Variants in PKD1L3 observed in about 807,000 individuals in gnomAD.
The protein encoded by PKD1L3 is polycystin-1-like protein 3.
PKD1L3 carries 239 observed loss-of-function variants against 184.1 expected under a neutral mutation model. The ratio of observed to expected loss-of-function variants is 1.30; its 90% confidence interval spans 1.17 to 1.45. The LOEUF (loss-of-function observed/expected upper bound fraction) is 1.45, where lower values mean the gene tolerates loss of function less well. Ranked by LOEUF, PKD1L3 falls within the 40% of genes most tolerant of loss-of-function variation. The pLI, the probability that PKD1L3 is intolerant of heterozygous loss-of-function variation, is 0.00. For missense variants in PKD1L3, 2,660 were observed against 2,067.2 expected (o/e 1.29, Z -5.56); for synonymous variants, 996 against 778.8 (o/e 1.28, Z -4.64).
chr16:71,943,623 A>C (rs912576181), intron 23 of PKD1L3, among the ~76,000 whole-genome samples: 2 of 151,834 alleles, frequency 1.3e-5, no homozygotes, highest in African/African-American at 2.4e-5. Context: ...TCTGTCTCTC[A>C]TGTGATTGTG....
Position 71,980,019 on chromosome 16 carries a change from A to G in PKD1L3, c.1259T>C (p.Leu420Pro), listed in dbSNP as rs749518071. 45 of 1,552,022 alleles carry G rather than the reference A, an allele frequency of 2.9e-5. No homozygotes were observed. Among genetic ancestry groups the G allele is most frequent in the Non-Finnish European group, 3.7e-5 (43 of 1,147,098 alleles). The stretch of plus-strand genomic sequence containing the variant: ...TCTTCCCATTAACCTGCTCAGCAGC[A>G]GAGTAGCATTGGCAGAGGTCAAAGT... ...SVTLTSANAT[L>P]LLSRQNISTL... is the part of the protein sequence containing the mutation. The change falls in exon 8 of 30, where the codon CTG (leucine) becomes CCG (proline). Residue 420 changes from leucine (L) to proline (P), a missense_variant. Transcript: ENST00000620267.
At position 71,967,159 on chromosome 16, in the gene PKD1L3, T is replaced by C. The variant is rs371985430; in HGVS notation, c.2443A>G (p.Asn815Asp). Residue 815 changes from asparagine (N) to aspartate (D), a missense_variant, in exon 15 of 30, where the codon AAT (asparagine) becomes GAT (aspartate). By Grantham distance (23) the Asn-to-Asp change is conservative. Transcript: ENST00000620267. ...NLHSLRLWHD[N>D]SGVSPSWYVS... ...CACCAGGAGGGACTGACGCCAGAAT[T>C]GTCATGCCAGAGCCGAAGGCTGTGC... 227 of 1,551,620 alleles carry C rather than the reference T, an allele frequency of 1.5e-4. No individual in the cohort carries two copies. The African/African-American group carries it at 2.9e-3, about 20-fold the overall frequency.
In PKD1L3 at chr16:71,969,998, C is replaced by A. The variant is rs1448308233; in HGVS notation, c.2061G>T (p.Thr687=). 1 of 1,551,530 alleles carries A rather than the reference C, an allele frequency of 6.4e-7. No individual in the cohort carries two copies. The highest frequency in any genetic ancestry group is 1.2e-5 in the South Asian group (1 of 84,056). ...VVPRTVNVED[T]IKLFLRVTNN... is the part of the protein sequence containing the mutation. The stretch of plus-strand genomic sequence containing the variant: ...TGGTCACGCGAAGGAACAGTTTGAT[C>A]GTGTCTTCAACATTCACGGTCCTGG... The change falls in exon 13 of 30, where the codon ACG becomes ACT. Residue 687 remains threonine (T), a synonymous_variant. Coordinates refer to ENST00000620267, the MANE Select transcript of PKD1L3 (RefSeq NM_181536.2).
chr16:71,938,449 C>T (rs1266951275), intron 24 of PKD1L3, among the ~76,000 whole-genome samples: 4 of 152,228 alleles, frequency 2.6e-5, no homozygotes, highest in East Asian at 1.9e-4. Flanking sequence ...CAGACAGGCT[C>T]CTGGGCAGAA....
Position 71,943,154 on chromosome 16 carries a change from G to A in PKD1L3, c.3860-130C>T, listed in dbSNP as rs542540616. 7.4e-5 allele frequency: 48 copies of A among 649,914 alleles called. No individual in the cohort carries two copies. In the South Asian group the frequency reaches 9.6e-4, roughly 13 times the overall value. 40.3% of individuals were successfully genotyped at this position (649,914 alleles called of 1,614,324 possible). A position where few individuals can be genotyped will look rare whatever the true frequency, so the allele number is the denominator to read the frequency against. ...CAGTCAAAAACTGGCTGTTTCATATGGTTCAATCTAATAATTATAAATACA... is the reference window on the plus strand; with the variant it reads ...CAGTCAAAAACTGGCTGTTTCATATAGTTCAATCTAATAATTATAAATACA... On this transcript the variant is annotated intron_variant, in intron 23 of 29. Coordinates refer to ENST00000620267, the MANE Select transcript of PKD1L3 (RefSeq NM_181536.2).
Position 71,975,417 on chromosome 16 carries a change from C to T in PKD1L3, c.1759+1819G>A, listed in dbSNP as rs539371323. On this transcript the variant is annotated intron_variant, in intron 11 of 29. Coordinates refer to ENST00000620267, the MANE Select transcript of PKD1L3 (RefSeq NM_181536.2). The stretch of plus-strand genomic sequence containing the variant: ...TTCTTAACTTTTCTAAACTACAATA[C>T]ATTCATTCTGATTTTATACCAAGGC... 2.6e-5 allele frequency among the ~76,000 whole-genome samples: 4 copies of T among 152,204 alleles called. No individual in the cohort carries two copies. In the East Asian group the frequency reaches 5.8e-4, roughly 22 times the overall value.
chr16:71,938,425 A>T (rs1181808206), intron 24 of PKD1L3, among the ~76,000 whole-genome samples: 1 of 152,028 alleles, frequency 6.6e-6, no homozygotes, highest in Non-Finnish European at 1.5e-5. Flanking sequence ...GGTGACATGG[A>T]TGGCAGCAGG....
chr16:71,937,285 G>T lies in PKD1L3; in HGVS notation c.4452+7C>A. ...GCCCAGGCTGACATCTAACATTATT[G>T]ACTCACCTGTATGAAGGCATAGTAA... is the stretch of plus-strand genomic sequence containing the variant. On this transcript the variant is annotated splice_region_variant and intron_variant, in intron 25 of 29. Coordinates refer to ENST00000620267, the MANE Select transcript of PKD1L3 (RefSeq NM_181536.2). The T allele has an allele frequency of 6.5e-7, 1 of 1,549,270 alleles. No homozygotes were observed. The highest frequency in any genetic ancestry group is 8.7e-7 in the Non-Finnish European group (1 of 1,146,172).
rs762241779 is a variant in PKD1L3 at position 71,973,322 on chromosome 16, A to C, written c.1953+2T>G. ...GGCCCAAGAAGCGGCTCAGTTTCTT[A>C]CTTGGCATCCGGCGCTGCTCCATGT... On this transcript the variant is annotated splice_donor_variant, in intron 12 of 29. Coordinates refer to ENST00000620267, the MANE Select transcript of PKD1L3 (RefSeq NM_181536.2). LOFTEE classifies it high-confidence loss of function. 4 of 1,551,470 alleles carry C rather than the reference A, an allele frequency of 2.6e-6. No individual in the cohort carries two copies. Among genetic ancestry groups the C allele is most frequent in the Non-Finnish European group, 3.5e-6 (4 of 1,146,920 alleles).
chr16:71,932,771 G>A (rs1056736984), intron 28 of PKD1L3, among the ~76,000 whole-genome samples: 4 of 142,270 alleles, frequency 2.8e-5, no homozygotes, highest in African/African-American at 1.0e-4. Context: ...ATGAGCCACC[G>A]CACCTGGCCT....
chr16:71,978,324 G>T lies in PKD1L3; in HGVS notation c.1458C>A (p.Ser486Arg), dbSNP rs1597354873. The T allele has an allele frequency of 1.3e-5, 20 of 1,550,676 alleles. No homozygotes were observed. Among genetic ancestry groups the T allele is most frequent in the Non-Finnish European group, 1.7e-5 (20 of 1,146,412 alleles). The stretch of plus-strand genomic sequence containing the variant: ...TAGCGCTTAGTAACACACTTCCAAT[G>T]CTTCCAACAATGTTTCTGTTGTCCA... ...KDLDNRNIVG[S>R]IGSVLLSANR... Residue 486 changes from serine to arginine, a missense_variant, in exon 10 of 30, where the codon AGC becomes AGA. Transcript: ENST00000620267.
At chr16:71,998,248 G>C (rs762500960) in intron 2 of PKD1L3, 24 bp downstream of exon 2, 1 of 1,550,968 alleles carries the variant, frequency 6.4e-7, no homozygotes, top group Non-Finnish European at 8.7e-7. Flanking sequence ...TGGGTCTTTG[G>C]CAGCATGTAG....
intron 16 of PKD1L3, among the ~76,000 whole-genome samples, chr16:71,957,465 A>G (rs2039091635): frequency 6.6e-6 from 1 of 152,136 alleles, no homozygotes; most frequent in Admixed American, 6.5e-5. Flanking sequence ...TCTGTCTACA[A>G]GAGACATAAT....
intron 2 of PKD1L3, among the ~76,000 whole-genome samples, chr16:71,997,419 C>T (rs1002553706): frequency 1.3e-5 from 2 of 151,400 alleles, no homozygotes; most frequent in African/African-American, 4.8e-5. Flanking sequence ...AGACCCCCCC[C>T]CCCACAACCA....
chr16:71,931,761 G>A (rs1279448051), intron 28 of PKD1L3, among the ~76,000 whole-genome samples: 3 of 152,030 alleles, frequency 2.0e-5, no homozygotes, highest in East Asian at 1.9e-4. Context: ...TACTGTGCCC[G>A]GCTCAAAGTC....
intron 2 of PKD1L3, among the ~76,000 whole-genome samples, chr16:71,995,954 G>C (rs1042499986): frequency 6.6e-6 from 1 of 151,958 alleles, no homozygotes; most frequent in Admixed American, 6.6e-5. Flanking sequence ...GGTGGGAAAG[G>C]GTATCTCAGT....
chr16:71,978,916 C>G (rs2040040717), intron 9 of PKD1L3, among the ~76,000 whole-genome samples: 1 of 152,072 alleles, frequency 6.6e-6, no homozygotes. Flanking sequence ...TTTATAACCT[C>G]TATGAGAAAC....
At chr16:71,965,620 C>T (rs1010643799) in intron 15 of PKD1L3, among the ~76,000 whole-genome samples, 1 of 150,456 alleles carries the variant, frequency 6.6e-6, no homozygotes, top group African/African-American at 2.5e-5. Context: ...GTGGCACCAT[C>T]TCTGCTCAAC....
In PKD1L3 at chr16:71,999,885, T is replaced by C; in HGVS notation, c.94A>G (p.Asn32Asp). ...AATCTGTTAAGCTGGTAACAATTAT[T>C]TTGCCCATGTGGTGCTGGGCTGTTT... ...ELNSPAPHGQNNCYQLNRFQC... is the reference protein window; with the variant it reads ...ELNSPAPHGQDNCYQLNRFQC... The change falls in exon 1 of 30, where the codon AAT becomes GAT. Residue 32 changes from asparagine to aspartate, a missense_variant. Coordinates refer to ENST00000620267, the MANE Select transcript of PKD1L3 (RefSeq NM_181536.2). 1 of 1,551,808 alleles carries C rather than the reference T, an allele frequency of 6.4e-7. No individual in the cohort carries two copies. Among genetic ancestry groups the C allele is most frequent in the Non-Finnish European group, 8.7e-7 (1 of 1,147,012 alleles).
Sources: allele counts gnomAD v4.1 joint callset (sites outside exome capture counted in the v4.1 genomes callset), GRCh38; gene constraint gnomAD v4.1.1; transcripts MANE v1.5; gene names NCBI Gene and HGNC (gene_info 2026-07-23, HGNC 2026-07-21).